Variants in MYCBP2 observed in about 807,000 individuals in gnomAD.
The protein encoded by MYCBP2 is E3 ubiquitin-protein ligase MYCBP2.
In MYCBP2, 120 loss-of-function variants were observed where a neutral mutation model predicts 525.3. The ratio of observed to expected loss-of-function variants is 0.23; its 90% CI spans 0.20 to 0.27. The LOEUF is 0.27. Ranked by LOEUF, MYCBP2 falls within the 10% of genes least tolerant of loss-of-function variation. The pLI, the probability that MYCBP2 is intolerant of heterozygous loss-of-function variation, is 1.00. For synonymous variants in MYCBP2, 1,894 were observed against 1,955.8 expected, an observed-to-expected ratio of 0.97 and a Z score of 0.83; for missense variants, 4,149 against 5,657.1, an observed-to-expected ratio of 0.73 and a Z score of 8.55.
chr13:77,214,109 C>T (rs144488320), intron 21 of MYCBP2, among the ~76,000 whole-genome samples: 1 of 152,308 alleles, frequency 6.6e-6, no homozygotes, highest in Non-Finnish European at 1.5e-5. Flanking sequence ...CAACTAAAGG[C>T]AAAGGAACTT....
chr13:77,199,944 A>C (rs2062277279), intron 26 of MYCBP2, among the ~76,000 whole-genome samples: 1 of 152,248 alleles, frequency 6.6e-6, no homozygotes, highest in African/African-American at 2.4e-5. Context: ...GATGGGGAAA[A>C]AACAGAGCAG....
chr13:77,082,648 C>A (rs1267808624), intron 63 of MYCBP2, among the ~76,000 whole-genome samples: 1 of 152,122 alleles, frequency 6.6e-6, no homozygotes, highest in Non-Finnish European at 1.5e-5. Flanking sequence ...TGGGTGCATA[C>A]AACCAGGCTC....
At chr13:77,257,987 A>G (rs1388897128) in intron 13 of MYCBP2, among the ~76,000 whole-genome samples, 158 bp from the exon 14 acceptor site, 1 of 152,166 alleles carries the variant, frequency 6.6e-6, no homozygotes, top group African/African-American at 2.4e-5. Context: ...CACTGAATTA[A>G]CTTTGTAACT....
chr13:77,260,043 C>G (rs2072993518), intron 13 of MYCBP2, among the ~76,000 whole-genome samples: 1 of 152,172 alleles, frequency 6.6e-6, no homozygotes, highest in African/African-American at 2.4e-5. Context: ...ATCATCCCAG[C>G]CAAACACCCT....
At chr13:77,201,357 T>C (rs1157395355) in intron 26 of MYCBP2, among the ~76,000 whole-genome samples, 35 of 150,382 alleles carry the variant, frequency 2.3e-4, no homozygotes, top group Middle Eastern at 3.4e-3. Context: ...CCTAAATATA[T>C]ATGCACCCAA....
chr13:77,205,998 T>C (rs1034183287), intron 24 of MYCBP2, among the ~76,000 whole-genome samples: 3 of 152,096 alleles, frequency 2.0e-5, no homozygotes, highest in South Asian at 2.1e-4. Context: ...AAAATGAAAT[T>C]TGAGAAAAAA....
At chr13:77,175,764 C>T (rs1172962461) in intron 36 of MYCBP2, among the ~76,000 whole-genome samples, 2 of 151,968 alleles carry the variant, frequency 1.3e-5, no homozygotes, top group African/African-American at 4.8e-5. Flanking sequence ...AGTTCGAGAC[C>T]AGCCTGGTCA....
At chr13:77,213,237 G>A (rs950396579) in intron 21 of MYCBP2, among the ~76,000 whole-genome samples, 1 of 152,206 alleles carries the variant, frequency 6.6e-6, no homozygotes, top group African/African-American at 2.4e-5. Flanking sequence ...CACTTTGGGA[G>A]GCCGAGATGG....
At position 77,210,203 on chromosome 13, in the gene MYCBP2, C is replaced by CTTTTTTTT. The variant is rs1172865301; in HGVS notation, c.3416+956_3416+963dup. 3.6e-5 allele frequency among the ~76,000 whole-genome samples: 5 copies of CTTTTTTTT among 138,224 alleles called. No individual in the cohort carries two copies. In the South Asian group the frequency reaches 1.2e-3, roughly 32 times the overall value. 90.7% of individuals were successfully genotyped at this position (138,224 alleles called of 152,430 possible). The stretch of plus-strand genomic sequence containing the variant: ...TAAAGCACCACAATAATTTTTTTTT[C>CTTTTTTTT]TTTTTTTTTTTTTTTGAGACAGAGT... On this transcript the variant is annotated intron_variant, in intron 23 of 82. Transcript: ENST00000544440.
In MYCBP2 at chr13:77,296,659, T is replaced by A. The variant is rs1361421539; in HGVS notation, c.318A>T (p.Leu106Phe). The A allele has an allele frequency of 6.8e-7, 1 of 1,464,204 alleles. No individual in the cohort carries two copies. Among genetic ancestry groups the A allele is most frequent in the South Asian group, 1.3e-5 (1 of 77,896 alleles). The allele number at this position is 1,464,204 out of a possible 1,614,324, so 90.7% of individuals were successfully genotyped here. Reference protein sequence around the residue: ...GHPASRNKKILNKKKLKRKQK... With the variant: ...GHPASRNKKIFNKKKLKRKQK... ...GTTTTCTTTTCAATTTCTTCTTATT[T>A]AAAATTTTCTTATTCCTAAATATTA... is the stretch of plus-strand genomic sequence containing the variant. Residue 106 changes from leucine to phenylalanine, a missense_variant, in exon 2 of 83, where the codon TTA (leucine) becomes TTT (phenylalanine). Transcript: ENST00000544440.
intron 14 of MYCBP2, among the ~76,000 whole-genome samples, chr13:77,253,589 G>A (rs1382705967): frequency 1.3e-5 from 2 of 151,916 alleles, no homozygotes; most frequent in Non-Finnish European, 2.9e-5. Flanking sequence ...GAAGGGCAGA[G>A]AGGAACATAC....
intron 2 of MYCBP2, among the ~76,000 whole-genome samples, chr13:77,294,131 C>CAT: frequency 0.16 from 10,425 of 64,616 alleles, 1,230 homozygotes; most frequent in Admixed American, 0.22. Flanking sequence ...TATATATATA[C>CAT]ATATATATAT....
chr13:77,172,057 C>T (rs765212605), intron 37 of MYCBP2, among the ~76,000 whole-genome samples: 57 of 152,084 alleles, frequency 3.7e-4, no homozygotes, highest in Admixed American at 2.0e-4. Flanking sequence ...TGCACCACCA[C>T]GCCCAGCTAA....
At position 77,243,834 on chromosome 13, in the gene MYCBP2, T is replaced by A; in HGVS notation, c.2499A>T (p.Lys833Asn). The A allele has an allele frequency of 6.2e-7, 1 of 1,613,922 alleles. No homozygotes were observed. The highest frequency in any genetic ancestry group is 1.1e-5 in the South Asian group (1 of 91,052). ...ARQRGILDAV[K>N]EMIPLDLLLA... ...AAAGAAGATCTAAAGGTATCATTTC[T>A]TTCACTGCATCAAGAATTCCTCTTT... Residue 833 changes from lysine to asparagine, a missense_variant, in exon 16 of 83, where the codon AAA (lysine) becomes AAT (asparagine). Around this residue, in one of 21 missense-constraint regions of MYCBP2, gnomAD observed 620 missense variants for 795.5 expected, o/e 0.78. Coordinates refer to ENST00000544440, the MANE Select transcript of MYCBP2 (RefSeq NM_015057.5).
At chr13:77,244,077 C>A in intron 15 of MYCBP2, 126 bp from the exon 16 acceptor site, 1 of 1,031,714 alleles carries the variant, frequency 9.7e-7, no homozygotes, top group South Asian at 2.3e-5. Context: ...AATGAAATCA[C>A]CTCTTTAGAT....
At position 77,061,286 on chromosome 13, in the gene MYCBP2, C is replaced by A; in HGVS notation, c.12919G>T (p.Glu4307Ter). The change falls in exon 76 of 83, where the codon GAA (glutamate) becomes TAA (stop). Residue 4307 changes from glutamate to a stop codon, truncating the protein, a stop_gained. Coordinates refer to ENST00000544440, the MANE Select transcript of MYCBP2 (RefSeq NM_015057.5). LOFTEE classifies it high-confidence loss of function. Reference sequence around the variant, plus strand: ...TGAAGGTCAACCTTTATAGCTTCTTCTTCTTCTTTGAAGACCTATTATTTC... The same window carrying A: ...TGAAGGTCAACCTTTATAGCTTCTTATTCTTCTTTGAAGACCTATTATTTC... ...THQRQVFKEE[E>*]EAIKVDLHEG... 6.2e-7 allele frequency: 1 copy of A among 1,607,632 alleles called. No homozygotes were observed. Among genetic ancestry groups the A allele is most frequent in the Non-Finnish European group, 8.5e-7 (1 of 1,177,596 alleles).
chr13:77,243,594 C>A (rs2069274690), intron 16 of MYCBP2, among the ~76,000 whole-genome samples: 1 of 144,232 alleles, frequency 6.9e-6, no homozygotes, highest in Non-Finnish European at 1.5e-5. Context: ...GCCTTGGCAA[C>A]AGAGCAAGAC....
chr13:77,051,108 A>C lies in MYCBP2; in HGVS notation c.13810T>G (p.Ser4604Ala), dbSNP rs767359889. The change falls in exon 82 of 83, where the codon TCA becomes GCA. Residue 4604 changes from serine to alanine, a missense_variant. By Grantham distance (99) the Ser-to-Ala change is moderately conservative. Transcript: ENST00000544440. ...CCAAAACAGAAAAAAACAGCCACTG[A>C]ACAGCAGTAGCGACATTTATATTCC... ...FLEYKCRYCC[S>A]VAVFFCFGTT... is the part of the protein sequence containing the mutation. The C allele has an allele frequency of 6.2e-7, 1 of 1,613,578 alleles. No homozygotes were observed. The highest frequency in any genetic ancestry group is 8.5e-7 in the Non-Finnish European group (1 of 1,179,882).
chr13:77,195,603 G>C (rs1178173778), intron 26 of MYCBP2, among the ~76,000 whole-genome samples: 1 of 150,110 alleles, frequency 6.7e-6, no homozygotes, highest in Non-Finnish European at 1.5e-5. Context: ...AAAAAAAATA[G>C]TCCGAAATAA....
Sources: allele counts gnomAD v4.1 joint callset (sites outside exome capture counted in the v4.1 genomes callset), GRCh38; gene constraint gnomAD v4.1.1; regional missense constraint gnomAD v4.1.1; transcripts MANE v1.5; gene names NCBI Gene and HGNC (gene_info 2026-07-23, HGNC 2026-07-21).